Variants in ITGBL1 observed in about 807,000 individuals in gnomAD.
ITGBL1 encodes integrin subunit beta like 1.
Under a neutral mutation model 68.5 loss-of-function variants are expected in ITGBL1, and 51 were observed. The observed-to-expected ratio is 0.74, with a 90% CI of 0.59 to 0.94. The LOEUF (loss-of-function observed/expected upper bound fraction) is 0.94, where lower values mean the gene tolerates loss of function less well. Ranked by LOEUF, ITGBL1 falls within the 40% of genes least tolerant of loss-of-function variation. ITGBL1 has a pLI of 0.00. For missense variants in ITGBL1, 649 were observed against 647.4 expected, an observed-to-expected ratio of 1.00 and a Z score of -0.03; for synonymous variants, 209 against 227.3, an observed-to-expected ratio of 0.92 and a Z score of 0.72.
intron 7 of ITGBL1, among the ~76,000 whole-genome samples, chr13:101,635,610 A>G (rs537618170): frequency 6.6e-6 from 1 of 152,180 alleles, no homozygotes; most frequent in Admixed American, 6.6e-5. Context: ...ATACTTGCTG[A>G]TTCCCATGGT....
At chr13:101,688,137 C>T (rs188779129) in intron 7 of ITGBL1, among the ~76,000 whole-genome samples, 1 of 152,110 alleles carries the variant, frequency 6.6e-6, no homozygotes, top group South Asian at 2.1e-4. Flanking sequence ...TGTATGTCAG[C>T]ATCCTTCTAC....
chr13:101,597,568 T>C (rs2030057002), intron 6 of ITGBL1, among the ~76,000 whole-genome samples: 1 of 152,104 alleles, frequency 6.6e-6, no homozygotes, highest in African/African-American at 2.4e-5. Context: ...TTTGTTTTTT[T>C]TGAGACGGAG....
intron 2 of ITGBL1, among the ~76,000 whole-genome samples, chr13:101,466,940 T>C (rs2139633948): frequency 6.6e-6 from 1 of 152,178 alleles, no homozygotes; most frequent in East Asian, 1.9e-4. Context: ...ACAGGACAAA[T>C]TTAATGCTCA....
intron 2 of ITGBL1, among the ~76,000 whole-genome samples, chr13:101,498,432 T>C (rs1402608491): frequency 6.6e-6 from 1 of 152,222 alleles, no homozygotes; most frequent in East Asian, 1.9e-4. Flanking sequence ...ACATTATAAT[T>C]GTTCTTCTGT....
intron 5 of ITGBL1, among the ~76,000 whole-genome samples, chr13:101,580,502 C>T (rs1162320244): frequency 6.6e-6 from 1 of 152,084 alleles, no homozygotes; most frequent in Non-Finnish European, 1.5e-5. Context: ...ATGTTTGTTA[C>T]ATATGTATAC....
chr13:101,509,616 A>G (rs537909769), intron 2 of ITGBL1, among the ~76,000 whole-genome samples: 8 of 152,276 alleles, frequency 5.3e-5, no homozygotes, highest in African/African-American at 1.9e-4. Flanking sequence ...AGGTTTGTAC[A>G]TGGACCTAAT....
Position 101,525,007 on chromosome 13 carries a change from A to C in ITGBL1, c.317-42692A>C, listed in dbSNP as rs147044612. 8.3e-3 allele frequency among the ~76,000 whole-genome samples: 1,262 copies of C among 152,210 alleles called. 15 individuals carry two copies. Among genetic ancestry groups the C allele is most frequent in the African/African-American group, 0.028 (1,170 of 41,522 alleles). ...AGGATGAATGAATACCTATAATTGA[A>C]ATTTTATGCAATTTATTTTTTATTT... On this transcript the variant is annotated intron_variant, in intron 2 of 10. Coordinates refer to ENST00000376180, the MANE Select transcript of ITGBL1 (RefSeq NM_004791.3).
intron 7 of ITGBL1, among the ~76,000 whole-genome samples, chr13:101,634,941 G>GGTGTGTGTGTGTGTGT (rs59309809): frequency 1.4e-5 from 2 of 145,808 alleles, no homozygotes; most frequent in African/African-American, 5.0e-5. Flanking sequence ...ATAAGCAAAA[G>GGTGTGTGTGTGTGTGT]GTGTGTGTGT....
intron 7 of ITGBL1, among the ~76,000 whole-genome samples, chr13:101,641,683 G>A (rs977925652): frequency 1.1e-4 from 17 of 149,644 alleles, no homozygotes; most frequent in African/African-American, 3.3e-4. Context: ...TTTAACATTC[G>A]GTATATCTCC....
intron 7 of ITGBL1, among the ~76,000 whole-genome samples, chr13:101,687,424 T>G (rs2033780178): frequency 6.6e-6 from 1 of 152,062 alleles, no homozygotes; most frequent in Non-Finnish European, 1.5e-5. Flanking sequence ...GAGATTTAAA[T>G]TAAGAGTTTT....
chr13:101,714,523 C>A lies in ITGBL1; in HGVS notation c.1365C>A (p.Cys455Ter), dbSNP rs527870257. The A allele has an allele frequency of 1.9e-6, 3 of 1,606,508 alleles. No individual in the cohort carries two copies. The highest frequency in any genetic ancestry group is 3.3e-5 in the Admixed American group (2 of 60,000). ...GEFCDCDDRDCDKHDGLICTG... is the reference protein window; with the variant it reads ...GEFCDCDDRD Reference sequence around the variant, plus strand: ...TCTGTGACTGTGATGACAGAGACTGCGACAAACATGATGGTCTCATTTGTA... The same window carrying A: ...TCTGTGACTGTGATGACAGAGACTGAGACAAACATGATGGTCTCATTTGTA... The change falls in exon 10 of 11, where the codon TGC (cysteine) becomes TGA (stop). Residue 455 changes from cysteine to a stop codon, truncating the protein, a stop_gained. Transcript: ENST00000376180. LOFTEE classifies it high-confidence loss of function.
chr13:101,615,738 A>G (rs1056725058), intron 7 of ITGBL1, among the ~76,000 whole-genome samples: 10 of 152,136 alleles, frequency 6.6e-5, no homozygotes, highest in Non-Finnish European at 1.0e-4. Context: ...GCAGTGAGCC[A>G]TGATGGCACC....
At chr13:101,623,117 G>A (rs545163810) in intron 7 of ITGBL1, among the ~76,000 whole-genome samples, 6 of 151,950 alleles carry the variant, frequency 3.9e-5, no homozygotes, top group Non-Finnish European at 8.8e-5. Flanking sequence ...TGTTAACTAG[G>A]ATAAATATTA....
intron 9 of ITGBL1, among the ~76,000 whole-genome samples, chr13:101,710,399 G>C (rs2034404882): frequency 6.6e-6 from 1 of 152,200 alleles, no homozygotes; most frequent in Non-Finnish European, 1.5e-5. Flanking sequence ...GATAGGCGCA[G>C]AGGATAATGG....
At chr13:101,544,746 G>C (rs530115874) in intron 2 of ITGBL1, among the ~76,000 whole-genome samples, 1 of 152,114 alleles carries the variant, frequency 6.6e-6, no homozygotes, top group South Asian at 2.1e-4. Context: ...CTCAAGCCTC[G>C]GCAATGGCGG....
At chr13:101,673,596 G>A (rs570768877) in intron 7 of ITGBL1, among the ~76,000 whole-genome samples, 1 of 152,306 alleles carries the variant, frequency 6.6e-6, no homozygotes, top group African/African-American at 2.4e-5. Flanking sequence ...GGCTGATTCA[G>A]TCAGTTGCTT....
chr13:101,557,049 C>T lies in ITGBL1; in HGVS notation c.317-10650C>T, dbSNP rs144003199. ...CCTGCACTCCACAGCCCTGCCTTAT[C>T]CCTCCTCAGGGGACAGACAGAGCGG... On this transcript the variant is annotated intron_variant, in intron 2 of 10. Coordinates refer to ENST00000376180, the MANE Select transcript of ITGBL1 (RefSeq NM_004791.3). Among the ~76,000 whole-genome samples, 450 of 152,330 alleles carry T rather than the reference C, an allele frequency of 3.0e-3. 1 individual carries two copies. The highest frequency in any genetic ancestry group is 0.014 in the Middle Eastern group (4 of 292).
chr13:101,572,930 G>A (rs1729182134), intron 3 of ITGBL1, among the ~76,000 whole-genome samples: 1 of 151,972 alleles, frequency 6.6e-6, no homozygotes, highest in Non-Finnish European at 1.5e-5. Context: ...TATTTGTATA[G>A]GTTTATATTT....
At chr13:101,636,249 A>C (rs1240185094) in intron 7 of ITGBL1, among the ~76,000 whole-genome samples, 4 of 152,118 alleles carry the variant, frequency 2.6e-5, no homozygotes, top group Non-Finnish European at 5.9e-5. Flanking sequence ...AGCCTACTGC[A>C]GACACTTTCA....
Sources: gnomAD v4.1 joint callset for allele counts (sites outside exome capture counted in the v4.1 genomes callset) on GRCh38, gnomAD v4.1.1 for gene constraint, MANE v1.5 for transcripts, NCBI Gene and HGNC (gene_info 2026-07-23, HGNC 2026-07-21) for gene names.